DIP2C: variants seen among roughly 807,000 people sequenced by gnomAD.
DIP2C encodes the protein disco-interacting protein 2 homolog C.
DIP2C carries 33 observed loss-of-function variants against 192.4 expected under a neutral mutation model. The ratio of observed to expected loss-of-function variants is 0.17; its 90% confidence interval spans 0.13 to 0.23. The LOEUF (loss-of-function observed/expected upper bound fraction) is 0.23, where lower values mean the gene tolerates loss of function less well. DIP2C is among the 10% of genes least tolerant of loss of function. The pLI is 1.00. For synonymous variants in DIP2C, 979 were observed against 864.1 expected (o/e 1.13, Z -2.33); for missense variants, 1,537 against 2,110.1 (o/e 0.73, Z 5.32).
chr10:364,654 G>A, intron 19 of DIP2C, 72 bp from the exon 20 acceptor site: 1 of 1,509,244 alleles, frequency 6.6e-7, no homozygotes, highest in Non-Finnish European at 9.1e-7. Flanking sequence ...GCTACTCCTG[G>A]GAGCACGGCA....
chr10:400,958 G>C (rs570296828), intron 9 of DIP2C, among the ~76,000 whole-genome samples: 64 of 144,742 alleles, frequency 4.4e-4, no homozygotes, highest in East Asian at 3.2e-3. Flanking sequence ...GGCAGCATTA[G>C]CATTACTCTT....
chr10:462,203 G>C (rs747494180), intron 3 of DIP2C, among the ~76,000 whole-genome samples: 21 of 151,500 alleles, frequency 1.4e-4, no homozygotes, highest in Non-Finnish European at 1.8e-4. Context: ...AGGAGACAGA[G>C]ACACGAAAAA....
chr10:468,745 A>G (rs1473253599), intron 3 of DIP2C, among the ~76,000 whole-genome samples: 2 of 152,234 alleles, frequency 1.3e-5, no homozygotes, highest in Non-Finnish European at 2.9e-5. Context: ...ATTGCACTCC[A>G]GCCTGGGCAA....
chr10:490,512 G>A (rs1024918676), intron 1 of DIP2C, among the ~76,000 whole-genome samples: 1 of 152,182 alleles, frequency 6.6e-6, no homozygotes, highest in Non-Finnish European at 1.5e-5. Context: ...TCCCGTCTCC[G>A]GGGAGGCCCT....
chr10:668,696 T>C (rs1276979221), intron 1 of DIP2C: 2 of 152,300 alleles, frequency 1.3e-5, no homozygotes, highest in East Asian at 1.9e-4. Flanking sequence ...AGATTCTAAG[T>C]ATGAAATAGA....
chr10:359,445 G>A (rs562536161), intron 22 of DIP2C, among the ~76,000 whole-genome samples: 88 of 152,332 alleles, frequency 5.8e-4, no homozygotes, highest in Admixed American at 9.8e-4. Context: ...TCTAGGCGAC[G>A]TGTAGGAGCC....
At chr10:540,661 T>A (rs1471734593) in intron 1 of DIP2C, among the ~76,000 whole-genome samples, 1 of 152,216 alleles carries the variant, frequency 6.6e-6, no homozygotes, top group Non-Finnish European at 1.5e-5. Flanking sequence ...ACGCACTTAA[T>A]GCCACCAAAT....
Position 305,993 on chromosome 10 carries a change from A to ATATATATATATATG in DIP2C, c.3986+4037_3986+4038insCATATATATATATA, listed in dbSNP as rs958069491. Reference sequence around the variant, plus strand: ...GACAAATATATATATATATATATATATTATATTTTTTTCCTATCTAAAGTC... The same window carrying ATATATATATATATG: ...GACAAATATATATATATATATATATATATATATATATATGTTATATTTTTTTCCTATCTAAAGTC... On this transcript the variant is annotated intron_variant, in intron 32 of 36. Transcript: ENST00000280886. Among the ~76,000 whole-genome samples the ATATATATATATATG allele has an allele frequency of 2.4e-4, 34 of 142,776 alleles. 1 individual carries two copies. Among genetic ancestry groups the ATATATATATATATG allele is most frequent in the Admixed American group, 1.5e-3 (21 of 14,308 alleles). 93.7% of individuals were successfully genotyped at this position (142,776 alleles called of 152,430 possible). A position where few individuals can be genotyped will look rare whatever the true frequency, so the allele number is the denominator to read the frequency against.
chr10:547,235 G>A (rs928775393), intron 1 of DIP2C, among the ~76,000 whole-genome samples: 9 of 152,144 alleles, frequency 5.9e-5, no homozygotes, highest in African/African-American at 1.9e-4. Flanking sequence ...CCCCCATCGC[G>A]AGGCCACAGC....
rs539921303 is a variant in DIP2C at position 275,252 on chromosome 10, C to A, written c.*2073G>T. 6.6e-5 allele frequency: 10 copies of A among 152,246 alleles called. No individual in the cohort carries two copies. The highest frequency in any genetic ancestry group is 1.3e-4 in the Non-Finnish European group (9 of 68,056). 9.4% of individuals were successfully genotyped at this position (152,246 alleles called of 1,614,324 possible). A position where few individuals can be genotyped will look rare whatever the true frequency, so the allele number is the denominator to read the frequency against. ...CTGGCCTGAAGCCCCAAACCTACCT[C>A]CCTTTCAACAAGGTGGGTGGGTGTA... On this transcript the variant is annotated 3_prime_UTR_variant, in exon 37 of 37. Transcript: ENST00000280886.
intron 1 of DIP2C, chr10:665,719 C>T (rs893966801): frequency 4.6e-5 from 7 of 152,408 alleles, no homozygotes; most frequent in African/African-American, 1.7e-4. Context: ...ACTGGAAAAT[C>T]CCTGAGCAAA....
chr10:587,699 A>G (rs705482), intron 1 of DIP2C, among the ~76,000 whole-genome samples: 53 of 120,920 alleles, frequency 4.4e-4, no homozygotes, highest in Admixed American at 5.5e-4. Context: ...CACACCAGGC[A>G]CTGCCTCAGC....
chr10:309,560 CTTTTT>C (rs766027771), intron 32 of DIP2C, among the ~76,000 whole-genome samples: 2 of 137,150 alleles, frequency 1.5e-5, no homozygotes, highest in Non-Finnish European at 3.2e-5. Flanking sequence ...AACAGAGTTT[CTTTTT>C]TTTTTTTTTT....
chr10:345,022 G>A lies in DIP2C; in HGVS notation c.3320C>T (p.Thr1107Met), dbSNP rs151164098. Residue 1107 changes from threonine to methionine, a missense_variant, in exon 27 of 37, where the codon ACG (threonine) becomes ATG (methionine). Thr to Met is a moderately conservative substitution (Grantham distance 81, BLOSUM62 -1). Around this residue, in one of 4 missense-constraint regions of DIP2C, gnomAD observed 677 missense variants for 989.9 expected, o/e 0.68. Coordinates refer to ENST00000280886, the MANE Select transcript of DIP2C (RefSeq NM_014974.3). ...ACCTGTGTCCAGGATGAGGGGCCACGTCCTGACGTCCACAGCCGCCGCCGC... is the reference window on the plus strand; with the variant it reads ...ACCTGTGTCCAGGATGAGGGGCCACATCCTGACGTCCACAGCCGCCGCCGC... ...REAAAAVDVR[T>M]WPLILDTDDL... The A allele has an allele frequency of 1.3e-3, 2,055 of 1,613,096 alleles. 1 individual carries two copies. The highest frequency in any genetic ancestry group is 7.8e-3 in the Middle Eastern group (45 of 5,754).
chr10:505,975 A>G (rs553117392), intron 1 of DIP2C, among the ~76,000 whole-genome samples: 79 of 152,338 alleles, frequency 5.2e-4, no homozygotes, highest in African/African-American at 1.9e-3. Flanking sequence ...GAAGTAAAGA[A>G]GCTGAGAAAT....
At chr10:430,179 A>C (rs1167098045) in intron 4 of DIP2C, 3 of 152,280 alleles carry the variant, frequency 2.0e-5, no homozygotes, top group African/African-American at 4.8e-5. Context: ...TGCCATCTTT[A>C]TATCTTCTTA....
chr10:299,875 AAAG>A (rs1198669063), intron 32 of DIP2C, among the ~76,000 whole-genome samples: 6 of 152,362 alleles, frequency 3.9e-5, no homozygotes, highest in African/African-American at 1.4e-4. Context: ...TCATTTCTCT[AAAG>A]AAGGTATACA....
Position 333,520 on chromosome 10 carries a change from TG to T in DIP2C, c.3585-3920del, listed in dbSNP as rs527296037. 4.0e-4 allele frequency among the ~76,000 whole-genome samples: 61 copies of T among 152,360 alleles called. 1 individual carries two copies. The Middle Eastern group carries it at 0.017, about 42-fold the overall frequency. ...TGCAGAAGCACCCACCATGTGGACG[TG>T]GCAGGCGTCACCTGTTCAGTCACCT... On this transcript the variant is annotated intron_variant, in intron 29 of 36. Coordinates refer to ENST00000280886, the MANE Select transcript of DIP2C (RefSeq NM_014974.3).
At chr10:364,977 T>A (rs755413142) in intron 19 of DIP2C, 9 of 533,958 alleles carry the variant, frequency 1.7e-5, no homozygotes, top group Admixed American at 1.2e-4. Flanking sequence ...TTTAAAGTAA[T>A]CTCTCTTCAT....
Sources: gnomAD v4.1 joint callset for allele counts (sites outside exome capture counted in the v4.1 genomes callset) on GRCh38, gnomAD v4.1.1 for gene constraint, gnomAD v4.1.1 regional missense constraint, MANE v1.5 for transcripts, NCBI Gene and HGNC (gene_info 2026-07-23, HGNC 2026-07-21) for gene names.